Variants in RAB3IL1 observed in about 807,000 individuals in gnomAD.
RAB3IL1 encodes the protein RAB3A interacting protein like 1.
Under a neutral mutation model 49.2 loss-of-function variants are expected in RAB3IL1, and 37 were observed. That is an observed-to-expected ratio of 0.75 (90% confidence interval 0.58 to 0.99). RAB3IL1 has a LOEUF of 0.99. Ranked by LOEUF, RAB3IL1 falls within the 50% of genes least tolerant of loss-of-function variation. The pLI, the probability that RAB3IL1 is intolerant of heterozygous loss-of-function variation, is 0.00. For synonymous variants in RAB3IL1, 193 were observed against 213.9 expected, an observed-to-expected ratio of 0.90 and a Z score of 0.85; for missense variants, 484 against 513.0, an observed-to-expected ratio of 0.94 and a Z score of 0.55.
At chr11:61,910,967 G>C (rs1939430348) in intron 1 of RAB3IL1, among the ~76,000 whole-genome samples, 1 of 152,242 alleles carries the variant, frequency 6.6e-6, no homozygotes, top group African/African-American at 2.4e-5. Flanking sequence ...CTCCCATGGG[G>C]GCCGAGCTTC....
upstream of RAB3IL1, among the ~76,000 whole-genome samples, chr11:61,921,007 C>A (rs1472925813): frequency 6.6e-6 from 1 of 151,442 alleles, no homozygotes; most frequent in Middle Eastern, 3.4e-3. Flanking sequence ...ATTTGAGATT[C>A]CCAGTTTTGT....
At chr11:61,939,155 A>C in the RAB3IL1 span, among the ~76,000 whole-genome samples, 2 of 152,122 alleles carry the variant, frequency 1.3e-5, no homozygotes, top group African/African-American at 4.8e-5. Flanking sequence ...AGTCTTAATA[A>C]ATTTTAAAGA....
At chr11:61,931,613 G>A in the RAB3IL1 span, among the ~76,000 whole-genome samples, 4 of 152,170 alleles carry the variant, frequency 2.6e-5, no homozygotes, top group African/African-American at 9.6e-5. Flanking sequence ...CAGAGACTCT[G>A]TAGAAAAAAG....
the RAB3IL1 span, among the ~76,000 whole-genome samples, chr11:61,943,060 A>G: frequency 6.6e-6 from 1 of 152,220 alleles, no homozygotes; most frequent in Non-Finnish European, 1.5e-5. Flanking sequence ...AACCATCTTG[A>G]AAAAGAACAA....
At chr11:61,908,965 G>A (rs1939341843) in intron 1 of RAB3IL1, among the ~76,000 whole-genome samples, 1 of 152,190 alleles carries the variant, frequency 6.6e-6, no homozygotes, top group Non-Finnish European at 1.5e-5. Context: ...CCTTCTCTGG[G>A]CCTCAGGACC....
chr11:61,917,200 C>T (rs1939733278), intron 1 of RAB3IL1, among the ~76,000 whole-genome samples, 157 bp downstream of exon 1: 1 of 152,062 alleles, frequency 6.6e-6, no homozygotes, highest in Non-Finnish European at 1.5e-5. Flanking sequence ...CCCCCGGAGT[C>T]TCCTGGCTGC....
upstream of RAB3IL1, among the ~76,000 whole-genome samples, chr11:61,919,160 G>A (rs1939829281): frequency 6.6e-6 from 1 of 152,196 alleles, no homozygotes; most frequent in Non-Finnish European, 1.5e-5. Flanking sequence ...CACAAGCCCC[G>A]GCAGGAGATA....
intron 8 of RAB3IL1, among the ~76,000 whole-genome samples, chr11:61,901,399 G>A (rs865874284): frequency 1.2e-4 from 18 of 152,180 alleles, no homozygotes; most frequent in African/African-American, 3.6e-4. Flanking sequence ...TGGCACTCAC[G>A]GCCGACTTAA....
chr11:61,944,344 TC>T, the RAB3IL1 span, among the ~76,000 whole-genome samples: 1 of 151,914 alleles, frequency 6.6e-6, no homozygotes, highest in East Asian at 1.9e-4. Context: ...TGATCATAGC[TC>T]ACTGCAGCCT....
upstream of RAB3IL1, among the ~76,000 whole-genome samples, chr11:61,925,221 C>A (rs1939976821): frequency 6.6e-6 from 1 of 152,172 alleles, no homozygotes; most frequent in Admixed American, 6.5e-5. Context: ...GATTTTAACC[C>A]AGGTTTGTCT....
At chr11:61,912,092 T>C (rs1429555350) in intron 1 of RAB3IL1, among the ~76,000 whole-genome samples, 1 of 152,174 alleles carries the variant, frequency 6.6e-6, no homozygotes, top group Non-Finnish European at 1.5e-5. Flanking sequence ...CTGTTGGTCA[T>C]GGGCACAATG....
intron 1 of RAB3IL1, 99 bp from the exon 2 acceptor site, chr11:61,908,405 A>G (rs1162291157): frequency 4.0e-6 from 5 of 1,250,684 alleles, no homozygotes; most frequent in Non-Finnish European, 5.2e-6. Flanking sequence ...CTGCCACTTG[A>G]GCCTCAGCCT....
intron 8 of RAB3IL1, among the ~76,000 whole-genome samples, chr11:61,901,856 CAGTA>C (rs754738572): frequency 1.3e-5 from 2 of 152,206 alleles, no homozygotes; most frequent in African/African-American, 2.4e-5. Context: ...GCAGAGAATC[CAGTA>C]AGTAAGTAGT....
In RAB3IL1 at chr11:61,906,705, G is replaced by A. The variant is rs1294435789; in HGVS notation, c.439-21C>T. The A allele has an allele frequency of 3.1e-6, 5 of 1,588,184 alleles. No homozygotes were observed. In the African/African-American group the frequency reaches 6.7e-5, roughly 21 times the overall value. On this transcript the variant is annotated intron_variant, in intron 4 of 9. Coordinates refer to ENST00000394836, the MANE Select transcript of RAB3IL1 (RefSeq NM_013401.4). This position sits in a 1 kb window ranked among gnomAD's most constrained non-coding sequence, Gnocchi z 4.6. ...TCGATCTGCATGGGATGGGATGGCT[G>A]TCAACCCTCACCCAGACTGGATGCC...
intron 6 of RAB3IL1, 24 bp from the exon 7 acceptor site, chr11:61,904,682 C>T (rs774330933): frequency 6.9e-6 from 11 of 1,601,658 alleles, no homozygotes; most frequent in Non-Finnish European, 9.4e-6. Context: ...GGGAGGCAGG[C>T]AGGGTGGTAA....
At position 61,908,311 on chromosome 11, in the gene RAB3IL1, A is replaced by C; in HGVS notation, c.12-5T>G. The C allele has an allele frequency of 6.8e-7, 1 of 1,467,560 alleles. No individual in the cohort carries two copies. Among genetic ancestry groups the C allele is most frequent in the South Asian group, 1.4e-5 (1 of 70,482 alleles). 90.9% of individuals were successfully genotyped at this position (1,467,560 alleles called of 1,614,324 possible). A position where few individuals can be genotyped will look rare whatever the true frequency, so the allele number is the denominator to read the frequency against. On this transcript the variant is annotated splice_polypyrimidine_tract_variant and splice_region_variant and intron_variant, in intron 1 of 9. Coordinates refer to ENST00000394836, the MANE Select transcript of RAB3IL1 (RefSeq NM_013401.4). ...CCCTGGTCTGGCTGGGGTGGGCTGG[A>C]GACAAACAAGGGTATCAGCAGGTTC...
At chr11:61,915,952 G>A (rs1301119616) in intron 1 of RAB3IL1, among the ~76,000 whole-genome samples, 1 of 151,704 alleles carries the variant, frequency 6.6e-6, no homozygotes, top group Non-Finnish European at 1.5e-5. Context: ...GCAGGAGACT[G>A]GTGTGAACCT....
the RAB3IL1 span, among the ~76,000 whole-genome samples, chr11:61,929,419 C>T: frequency 1.4e-5 from 2 of 147,270 alleles, no homozygotes; most frequent in African/African-American, 2.4e-5. Flanking sequence ...ACACAAGAAT[C>T]GATTCAACCC....
At chr11:61,902,131 G>A (rs927510466) in intron 8 of RAB3IL1, among the ~76,000 whole-genome samples, 1 of 151,884 alleles carries the variant, frequency 6.6e-6, no homozygotes, top group East Asian at 1.9e-4. Context: ...CCTGGCCAAC[G>A]TGGTGAAACC....
Sources: allele counts gnomAD v4.1 joint callset (sites outside exome capture counted in the v4.1 genomes callset), GRCh38; gene constraint gnomAD v4.1.1; non-coding constraint Gnocchi (gnomAD v3.1); transcripts MANE v1.5; gene names NCBI Gene and HGNC (gene_info 2026-07-23, HGNC 2026-07-21).